SEMA3A: variants seen among roughly 807,000 people sequenced by gnomAD.
SEMA3A encodes the protein semaphorin-3A.
In SEMA3A, 29 loss-of-function variants were observed where a neutral mutation model predicts 97.9. The observed-to-expected ratio is 0.30, with a 90% CI of 0.22 to 0.40. SEMA3A has a LOEUF of 0.40. SEMA3A is among the 10% of genes least tolerant of loss of function. The probability of loss-of-function intolerance (pLI) is 1.00; values close to 1 mark genes in which losing one functional copy is unlikely to be tolerated. For synonymous variants in SEMA3A, 321 were observed against 323.7 expected, an observed-to-expected ratio of 0.99 and a Z score of 0.09; for missense variants, 763 against 951.3, an observed-to-expected ratio of 0.80 and a Z score of 2.60.
chr7:84,249,268 A>C (rs1378913232), intron 3 of SEMA3A, among the ~76,000 whole-genome samples: 2 of 152,118 alleles, frequency 1.3e-5, no homozygotes, highest in Non-Finnish European at 2.9e-5. Flanking sequence ...TCCAGTAGAT[A>C]GAATTTGTTT....
chr7:84,144,145 G>T (rs1796397742), intron 1 of SEMA3A, among the ~76,000 whole-genome samples: 1 of 151,692 alleles, frequency 6.6e-6, no homozygotes, highest in South Asian at 2.1e-4. Context: ...CACCAGTCAA[G>T]ATATGAAAAA....
At chr7:84,343,922 C>T (rs1178315444) in intron 2 of SEMA3A, among the ~76,000 whole-genome samples, 1 of 151,988 alleles carries the variant, frequency 6.6e-6, no homozygotes, top group Non-Finnish European at 1.5e-5. Flanking sequence ...GCGAGGATCA[C>T]TTGATCCCAG....
intron 1 of SEMA3A, among the ~76,000 whole-genome samples, chr7:84,159,624 A>G (rs972299100): frequency 1.3e-5 from 2 of 152,162 alleles, no homozygotes; most frequent in Admixed American, 6.5e-5. Context: ...TCTTCATACC[A>G]GTAGAGAAAA....
At chr7:84,173,926 C>G (rs1347435724) in intron 1 of SEMA3A, among the ~76,000 whole-genome samples, 1 of 152,150 alleles carries the variant, frequency 6.6e-6, no homozygotes, top group Non-Finnish European at 1.5e-5. Flanking sequence ...AGGTTGCATG[C>G]TCCTTACGAA....
chr7:84,014,162 G>C (rs1790996691), intron 7 of SEMA3A, 47 bp downstream of exon 7: 20 of 1,560,578 alleles, frequency 1.3e-5, no homozygotes, highest in Non-Finnish European at 1.7e-5. Flanking sequence ...AAGCAAAGCT[G>C]TTATGGGAAA....
chr7:84,186,869 C>A lies in SEMA3A; in HGVS notation c.112+7606G>T, dbSNP rs114377104. Among the ~76,000 whole-genome samples the A allele has an allele frequency of 9.3e-3, 1,419 of 152,220 alleles. 22 individuals carry two copies. The highest frequency in any genetic ancestry group is 0.032 in the African/African-American group (1,332 of 41,510). ...GAAATTAGCCTACTATCCTCTCCCA[C>A]CCTCTCAATCAGTATCTTAAACAAA... is the stretch of plus-strand genomic sequence containing the variant. On this transcript the variant is annotated intron_variant, in intron 1 of 16. Coordinates refer to ENST00000265362, the MANE Select transcript of SEMA3A (RefSeq NM_006080.3).
At chr7:83,975,032 T>C (rs1789088185) in intron 15 of SEMA3A, among the ~76,000 whole-genome samples, 1 of 152,296 alleles carries the variant, frequency 6.6e-6, no homozygotes, top group East Asian at 1.9e-4. Context: ...GGCTAAGCCA[T>C]TCTATATGCC....
rs368019976 is a variant in SEMA3A at position 84,211,481 on chromosome 7, C to T, written c.-82-16813G>A. On this transcript the variant is annotated intron_variant, in intron 3 of 3. Coordinates refer to the SEMA3A transcript ENST00000424555. Reference sequence around the variant, plus strand: ...CAAAAAAAAAAAAAAATTAGTCGGGCATGCTGGTGCATGCCTGTAATCCCA... The same window carrying T: ...CAAAAAAAAAAAAAAATTAGTCGGGTATGCTGGTGCATGCCTGTAATCCCA... Among the ~76,000 whole-genome samples, 1,008 of 151,438 alleles carry T rather than the reference C, an allele frequency of 6.7e-3. 12 individuals are homozygous for T. Among genetic ancestry groups the T allele is most frequent in the African/African-American group, 0.023 (961 of 41,320 alleles).
chr7:84,286,174 C>A (rs1020204136), intron 3 of SEMA3A, among the ~76,000 whole-genome samples: 1 of 152,076 alleles, frequency 6.6e-6, no homozygotes. Flanking sequence ...TCTTAGTGGA[C>A]TTTTTAATCT....
At chr7:84,057,485 G>C (rs1793034676) in intron 5 of SEMA3A, among the ~76,000 whole-genome samples, 1 of 152,094 alleles carries the variant, frequency 6.6e-6, no homozygotes, top group Non-Finnish European at 1.5e-5. Flanking sequence ...AAAAAAATAA[G>C]GCCAGGCGCT....
At chr7:84,133,723 T>G (rs1796031304) in intron 2 of SEMA3A, among the ~76,000 whole-genome samples, 1 of 151,928 alleles carries the variant, frequency 6.6e-6, no homozygotes, top group South Asian at 2.1e-4. Flanking sequence ...TTTTCACTAA[T>G]TTGTCAATCT....
At chr7:83,983,745 T>C (rs1397195437) in intron 13 of SEMA3A, among the ~76,000 whole-genome samples, 2 of 152,150 alleles carry the variant, frequency 1.3e-5, no homozygotes, top group African/African-American at 2.4e-5. Context: ...TAGGCACCAT[T>C]GAGCAGAATC....
chr7:84,487,163 A>AGGCC (rs1368257484), intron 1 of SEMA3A, among the ~76,000 whole-genome samples: 10 of 152,162 alleles, frequency 6.6e-5, no homozygotes, highest in African/African-American at 9.7e-5. Flanking sequence ...GAAAAGAAAT[A>AGGCC]TTTAATATTA....
At chr7:84,257,188 A>C (rs1382075700) in intron 3 of SEMA3A, among the ~76,000 whole-genome samples, 3 of 152,110 alleles carry the variant, frequency 2.0e-5, no homozygotes, top group Admixed American at 6.6e-5. Flanking sequence ...AAATCACACA[A>C]GATTTTTTTT....
At position 83,957,079 on chromosome 7, in the gene SEMA3A, C is replaced by T. The variant is rs943738316; in HGVS notation, c.*4292G>A. On this transcript the variant is annotated 3_prime_UTR_variant, in exon 17 of 17. Coordinates refer to ENST00000265362, the MANE Select transcript of SEMA3A (RefSeq NM_006080.3). The stretch of plus-strand genomic sequence containing the variant: ...AGATCAATTAGATACAAATCCTGCC[C>T]TCAAGGAGCTCACAGTCTAGAAATG... 1 of 152,394 alleles carries T rather than the reference C, an allele frequency of 6.6e-6. No homozygotes were observed. The highest frequency in any genetic ancestry group is 2.4e-5 in the African/African-American group (1 of 41,404). 9.4% of individuals were successfully genotyped at this position (152,394 alleles called of 1,614,324 possible).
At chr7:84,157,030 C>T (rs548910428) in intron 1 of SEMA3A, among the ~76,000 whole-genome samples, 2 of 152,166 alleles carry the variant, frequency 1.3e-5, no homozygotes, top group African/African-American at 4.8e-5. Context: ...TGGCAATCAG[C>T]AATGTAATTT....
At chr7:84,335,609 C>A (rs1179461886) in intron 2 of SEMA3A, among the ~76,000 whole-genome samples, 1 of 151,976 alleles carries the variant, frequency 6.6e-6, no homozygotes, top group Non-Finnish European at 1.5e-5. Flanking sequence ...AAATGATAGA[C>A]ATTTATGAAC....
chr7:84,291,832 T>C, intron 3 of SEMA3A, among the ~76,000 whole-genome samples: 1 of 152,172 alleles, frequency 6.6e-6, no homozygotes, highest in Admixed American at 6.6e-5. Context: ...CTAAAGAGTT[T>C]ATTCCTTTGG....
At chr7:84,377,753 T>G (rs151228003) in intron 1 of SEMA3A, among the ~76,000 whole-genome samples, 3 of 152,292 alleles carry the variant, frequency 2.0e-5, no homozygotes, top group East Asian at 3.9e-4. Context: ...CTGCTACCCA[T>G]CATCAGAGAA....
Sources: gnomAD v4.1 joint callset for allele counts (sites outside exome capture counted in the v4.1 genomes callset) on GRCh38, gnomAD v4.1.1 for gene constraint, MANE v1.5 for transcripts, NCBI Gene and HGNC (gene_info 2026-07-23, HGNC 2026-07-21) for gene names.